The following NKAIN2 variants were observed in gnomAD, a reference collection of about 807,000 sequenced individuals.
The protein encoded by NKAIN2 is sodium/potassium-transporting ATPase subunit beta-1-interacting protein 2.
NKAIN2 carries 14 observed loss-of-function variants against 32.6 expected under a neutral mutation model. The observed-to-expected ratio is 0.43, with a 90% CI of 0.28 to 0.67. NKAIN2 has a LOEUF of 0.67. Among genes scored for constraint, NKAIN2 ranks in the 30% least tolerant of loss-of-function variants. NKAIN2 has a pLI of 0.17. For synonymous variants in NKAIN2, 80 were observed against 87.2 expected, an observed-to-expected ratio of 0.92 and a Z score of 0.46; for missense variants, 198 against 258.3, an observed-to-expected ratio of 0.77 and a Z score of 1.60.
chr6:123,821,399 A>G (rs1773917254), intron 1 of NKAIN2, among the ~76,000 whole-genome samples: 1 of 152,198 alleles, frequency 6.6e-6, no homozygotes, highest in African/African-American at 2.4e-5. Flanking sequence ...GCTCAAATGG[A>G]CAGTGCAAAG....
chr6:123,901,672 G>GA (rs1774594840), intron 1 of NKAIN2, among the ~76,000 whole-genome samples: 1 of 152,076 alleles, frequency 6.6e-6, no homozygotes, highest in African/African-American at 2.4e-5. Context: ...TTTATTGCAT[G>GA]AGAAACTTTG....
chr6:124,556,635 C>T (rs1780486334), intron 3 of NKAIN2, among the ~76,000 whole-genome samples: 1 of 152,118 alleles, frequency 6.6e-6, no homozygotes, highest in African/African-American at 2.4e-5. Flanking sequence ...CTCTTCTATT[C>T]ATAAATCACC....
At chr6:124,808,468 T>C (rs1020519508) in intron 5 of NKAIN2, among the ~76,000 whole-genome samples, 7 of 152,190 alleles carry the variant, frequency 4.6e-5, no homozygotes. Flanking sequence ...AAGTTAGGTA[T>C]TGATGGGACG....
chr6:124,428,155 A>G (rs1175820268), intron 3 of NKAIN2, among the ~76,000 whole-genome samples: 1 of 152,104 alleles, frequency 6.6e-6, no homozygotes, highest in Non-Finnish European at 1.5e-5. Flanking sequence ...ACTACTCAGA[A>G]ATTTTGTTGT....
chr6:124,231,946 A>G (rs1792485354), intron 1 of NKAIN2, among the ~76,000 whole-genome samples: 1 of 152,152 alleles, frequency 6.6e-6, no homozygotes, highest in Non-Finnish European at 1.5e-5. Flanking sequence ...TTTCTTAATT[A>G]GACCCTGTCT....
rs531654856 is a variant in NKAIN2, at chr6:124,433,925, A to C, written c.273+78578A>C. ...CGGCTGGTGGTATATTCCTCTTGGCAGTCTGTGCATGCAGTGCACTAATTC... is the reference window on the plus strand; with the variant it reads ...CGGCTGGTGGTATATTCCTCTTGGCCGTCTGTGCATGCAGTGCACTAATTC... On this transcript the variant is annotated intron_variant, in intron 3 of 6. Coordinates refer to ENST00000368417, the MANE Select transcript of NKAIN2 (RefSeq NM_001040214.3). Among the ~76,000 whole-genome samples the C allele has an allele frequency of 1.4e-3, 210 of 152,270 alleles. 1 individual carries two copies. Among genetic ancestry groups the C allele is most frequent in the African/African-American group, 4.7e-3 (197 of 41,570 alleles).
At chr6:124,004,901 A>G (rs201772245) in intron 1 of NKAIN2, among the ~76,000 whole-genome samples, 2,649 of 47,658 alleles carry the variant, frequency 0.056, 31 homozygotes, top group African/African-American at 0.17. Context: ...AAAAGAAAGT[A>G]AAAAAAAAAA....
chr6:124,123,203 C>G (rs1785974753), intron 1 of NKAIN2, among the ~76,000 whole-genome samples: 1 of 151,818 alleles, frequency 6.6e-6, no homozygotes, highest in Admixed American at 6.6e-5. Flanking sequence ...CTTAAAAATT[C>G]CTGGTGCTGT....
intron 4 of NKAIN2, among the ~76,000 whole-genome samples, chr6:124,693,658 CGGA>C: frequency 6.6e-6 from 1 of 152,180 alleles, no homozygotes; most frequent in Non-Finnish European, 1.5e-5. Flanking sequence ...AGGAGTTATT[CGGA>C]GTAGTAGGTG....
intron 1 of NKAIN2, among the ~76,000 whole-genome samples, chr6:124,137,500 GA>G (rs529181878): frequency 4.6e-5 from 7 of 151,182 alleles, no homozygotes; most frequent in African/African-American, 7.3e-5. Context: ...ACAGAACTAG[GA>G]AAAAAAACTA....
At chr6:124,299,248 A>G (rs570597111) in intron 2 of NKAIN2, among the ~76,000 whole-genome samples, 71 of 152,238 alleles carry the variant, frequency 4.7e-4, no homozygotes, top group Non-Finnish European at 8.7e-4. Context: ...ACATATGAGG[A>G]AACTGCAGAA....
chr6:124,076,738 C>T (rs528372110), intron 1 of NKAIN2, among the ~76,000 whole-genome samples: 44 of 152,284 alleles, frequency 2.9e-4, no homozygotes, highest in African/African-American at 1.0e-3. Context: ...GAAAGGTGAG[C>T]CTTCTGCTTT....
chr6:124,112,023 T>A (rs1785409827), intron 1 of NKAIN2, among the ~76,000 whole-genome samples: 1 of 152,122 alleles, frequency 6.6e-6, no homozygotes, highest in Non-Finnish European at 1.5e-5. Context: ...AATAATTGTG[T>A]TTGTATCTTT....
At chr6:124,229,613 T>A (rs577847414) in intron 1 of NKAIN2, among the ~76,000 whole-genome samples, 1 of 152,276 alleles carries the variant, frequency 6.6e-6, no homozygotes, top group South Asian at 2.1e-4. Flanking sequence ...TCTACTTCCT[T>A]AATTCCCATA....
intron 2 of NKAIN2, among the ~76,000 whole-genome samples, chr6:124,331,342 A>C: frequency 7.8e-6 from 1 of 128,374 alleles, no homozygotes; most frequent in African/African-American, 3.1e-5. Context: ...TCTACTAAAT[A>C]TACAAAAAAA....
chr6:124,657,375 GACA>G (rs1477825386), intron 3 of NKAIN2, among the ~76,000 whole-genome samples: 1 of 152,124 alleles, frequency 6.6e-6, no homozygotes, highest in African/African-American at 2.4e-5. Context: ...TTCCCTGGAA[GACA>G]ACATTTGCCC....
chr6:124,626,481 G>C (rs530095355), intron 3 of NKAIN2, among the ~76,000 whole-genome samples: 1 of 152,070 alleles, frequency 6.6e-6, no homozygotes, highest in African/African-American at 2.4e-5. Context: ...CCAAAATGCA[G>C]CATTCACACA....
chr6:124,107,906 CAT>C (rs1470136127), intron 1 of NKAIN2, among the ~76,000 whole-genome samples: 2 of 152,108 alleles, frequency 1.3e-5, no homozygotes, highest in Non-Finnish European at 2.9e-5. Flanking sequence ...ATGTATATCA[CAT>C]GTTTTTCCTA....
chr6:124,335,714 C>T (rs1797834230), intron 2 of NKAIN2, among the ~76,000 whole-genome samples: 1 of 151,984 alleles, frequency 6.6e-6, no homozygotes, highest in Non-Finnish European at 1.5e-5. Flanking sequence ...TCCTGATTTC[C>T]TTATTCTAAT....
Sources: gnomAD v4.1 joint callset for allele counts (sites outside exome capture counted in the v4.1 genomes callset) on GRCh38, gnomAD v4.1.1 for gene constraint, MANE v1.5 for transcripts, NCBI Gene and HGNC (gene_info 2026-07-23, HGNC 2026-07-21) for gene names.